Variants in WDFY4 observed in about 807,000 individuals in gnomAD.
The protein encoded by WDFY4 is WD repeat- and FYVE domain-containing protein 4.
WDFY4 carries 169 observed loss-of-function variants against 351.9 expected under a neutral mutation model. The observed-to-expected ratio is 0.48, with a 90% CI of 0.42 to 0.55. The LOEUF is 0.55. Among genes scored for constraint, WDFY4 ranks in the 20% least tolerant of loss-of-function variants. The pLI, the probability that WDFY4 is intolerant of heterozygous loss-of-function variation, is 0.00. For missense variants in WDFY4, 3,803 were observed against 3,935.6 expected (o/e 0.97, Z 0.90); for synonymous variants, 1,622 against 1,574.6 (o/e 1.03, Z -0.71).
At chr10:48,895,310 C>T (rs916924119) in intron 44 of WDFY4, among the ~76,000 whole-genome samples, 7 of 152,212 alleles carry the variant, frequency 4.6e-5, no homozygotes, top group African/African-American at 1.7e-4. Context: ...CCATGGGCTA[C>T]ATTGTAGGCT....
intron 47 of WDFY4, among the ~76,000 whole-genome samples, chr10:48,907,208 C>A (rs1193375837): frequency 6.6e-6 from 1 of 152,104 alleles, no homozygotes; most frequent in Non-Finnish European, 1.5e-5. Context: ...CATACTGAGC[C>A]CAGATTTCAG....
At chr10:48,863,673 CGAAGCACAAATT>C (rs2069426546) in intron 39 of WDFY4, among the ~76,000 whole-genome samples, 2 of 151,260 alleles carry the variant, frequency 1.3e-5, no homozygotes, top group African/African-American at 2.4e-5. Flanking sequence ...TAGTGTCTTT[CGAAGCACAAATT>C]TTTACTTTTG....
chr10:48,939,605 T>C (rs1197657434), intron 47 of WDFY4, among the ~76,000 whole-genome samples: 2 of 152,248 alleles, frequency 1.3e-5, no homozygotes, highest in Admixed American at 1.3e-4. Flanking sequence ...TGATGGATGA[T>C]GCGGTTTATT....
chr10:48,789,299 T>C (rs2066599882), intron 21 of WDFY4, among the ~76,000 whole-genome samples: 1 of 152,256 alleles, frequency 6.6e-6, no homozygotes. Flanking sequence ...AGAGCTCTTT[T>C]GCTTAGCACT....
chr10:48,780,174 C>T (rs894521820), intron 19 of WDFY4, 55 bp downstream of exon 19: 1 of 1,533,978 alleles, frequency 6.5e-7, no homozygotes, highest in Non-Finnish European at 8.8e-7. Flanking sequence ...CCTGCTACTA[C>T]CCTGAAGTGG....
chr10:48,721,016 A>G (rs1411180611), intron 3 of WDFY4, among the ~76,000 whole-genome samples: 1 of 152,198 alleles, frequency 6.6e-6, no homozygotes, highest in East Asian at 1.9e-4. Context: ...CTCATTGGCA[A>G]TCAGGAACCA....
In WDFY4 at chr10:48,777,482, A is replaced by G; in HGVS notation, c.3162A>G (p.Gly1054=). The G allele has an allele frequency of 1.3e-6, 2 of 1,551,702 alleles. No individual in the cohort carries two copies. The highest frequency in any genetic ancestry group is 1.7e-6 in the Non-Finnish European group (2 of 1,146,978). ...MGTSTEYSVS[G]GIGTGATRPF... ...CCAGCACTGAGTACTCTGTCTCTGG[A>G]GGAATTGGGACAGGTAGGTGTTTTT... The change falls in exon 17 of 62, where the codon GGA becomes GGG. Residue 1054 remains glycine, a synonymous_variant. Transcript: ENST00000325239.
intron 60 of WDFY4, among the ~76,000 whole-genome samples, chr10:48,981,142 G>A (rs888756573): frequency 6.6e-5 from 10 of 152,176 alleles, no homozygotes; most frequent in African/African-American, 1.9e-4. Context: ...AATGGATACC[G>A]AGGCACGTCA....
At chr10:48,801,771 A>T (rs2067096810) in intron 24 of WDFY4, among the ~76,000 whole-genome samples, 1 of 152,202 alleles carries the variant, frequency 6.6e-6, no homozygotes, top group East Asian at 1.9e-4. Context: ...GGTTCCAGGG[A>T]TTAAAGAGGG....
At chr10:48,785,144 G>A (rs2066363398) in intron 19 of WDFY4, among the ~76,000 whole-genome samples, 1 of 152,166 alleles carries the variant, frequency 6.6e-6, no homozygotes, top group South Asian at 2.1e-4. Flanking sequence ...ACAGACGTGA[G>A]CCATTGCGCC....
chr10:48,881,859 C>T (rs1443756664), intron 43 of WDFY4, among the ~76,000 whole-genome samples: 1 of 152,200 alleles, frequency 6.6e-6, no homozygotes, highest in Non-Finnish European at 1.5e-5. Flanking sequence ...TGAACCTGTC[C>T]TGGTGCGCCC....
intron 57 of WDFY4, among the ~76,000 whole-genome samples, chr10:48,974,052 T>C (rs984345271): frequency 6.6e-6 from 1 of 152,164 alleles, no homozygotes; most frequent in Non-Finnish European, 1.5e-5. Context: ...CCCTGAGGGC[T>C]TGTGAAAATT....
In WDFY4 at chr10:48,796,347, T is replaced by C. The variant is rs935700907; in HGVS notation, c.4307T>C (p.Ile1436Thr). Residue 1436 changes from isoleucine to threonine, a missense_variant, in exon 24 of 62, where the codon ATT becomes ACT. Coordinates refer to ENST00000325239, the MANE Select transcript of WDFY4 (RefSeq NM_001394531.1). Reference sequence around the variant, plus strand: ...AAGGCCTCTCTCCTGAACCATCGAATTTTTCAGCTGATCCTCTCAGTGGCT... The same window carrying C: ...AAGGCCTCTCTCCTGAACCATCGAACTTTTCAGCTGATCCTCTCAGTGGCT... Reference protein sequence around the residue: ...RKKASLLNHRIFQLILSVAGT... With the variant: ...RKKASLLNHRTFQLILSVAGT... 1.3e-6 allele frequency: 2 copies of C among 1,552,374 alleles called. No individual in the cohort carries two copies. The highest frequency in any genetic ancestry group is 1.4e-5 in the African/African-American group (1 of 73,170).
At chr10:48,941,399 C>T (rs1184763528) in intron 47 of WDFY4, among the ~76,000 whole-genome samples, 2 of 152,238 alleles carry the variant, frequency 1.3e-5, no homozygotes, top group African/African-American at 2.4e-5. Flanking sequence ...TAGGCCATAT[C>T]TCATGGCCTT....
intron 44 of WDFY4, among the ~76,000 whole-genome samples, chr10:48,892,969 C>CA (rs1420883107): frequency 3.9e-5 from 6 of 152,070 alleles, no homozygotes; most frequent in African/African-American, 7.2e-5. Flanking sequence ...AACTGGGTGG[C>CA]AAAAAACAAA....
Position 48,778,596 on chromosome 10 carries a change from T to C in WDFY4, c.3176-15T>C. ...GCAGAACAAAGCCTGAGGGCATGCC[T>C]GTGTTCCCACCCAGGTGCCACCAGA... On this transcript the variant is annotated splice_polypyrimidine_tract_variant and intron_variant, in intron 17 of 61. Coordinates refer to ENST00000325239, the MANE Select transcript of WDFY4 (RefSeq NM_001394531.1). The C allele has an allele frequency of 2.6e-6, 4 of 1,549,436 alleles. No homozygotes were observed. The highest frequency in any genetic ancestry group is 3.5e-6 in the Non-Finnish European group (4 of 1,146,670).
chr10:48,731,290 T>A lies in WDFY4; in HGVS notation c.1310T>A (p.Met437Lys). 7 of 1,551,948 alleles carry A rather than the reference T, an allele frequency of 4.5e-6. No individual in the cohort carries two copies. Among genetic ancestry groups the A allele is most frequent in the Non-Finnish European group, 6.1e-6 (7 of 1,147,026 alleles). The change falls in exon 9 of 62, where the codon ATG (methionine) becomes AAG (lysine). Residue 437 changes from methionine (M) to lysine (K), a missense_variant. Met to Lys is a moderately conservative substitution (Grantham distance 95, BLOSUM62 -1). Transcript: ENST00000325239. ...LQPISQFVEI[M>K]PLKPAPVQEH... is the part of the protein sequence containing the mutation. ...CCCATCTCGCAGTTTGTAGAGATCA[T>A]GCCCCTGAAGCCGGCCCCAGTGCAG...
intron 32 of WDFY4, among the ~76,000 whole-genome samples, chr10:48,817,617 T>A (rs908254186): frequency 6.6e-6 from 1 of 152,266 alleles, no homozygotes; most frequent in African/African-American, 2.4e-5. Flanking sequence ...GATTCAATAA[T>A]TTTTTTGAGC....
chr10:48,692,146 C>T (rs1444823691), intron 1 of WDFY4, among the ~76,000 whole-genome samples: 6 of 152,190 alleles, frequency 3.9e-5, no homozygotes, highest in Admixed American at 6.5e-5. Context: ...TCTCAGCCTT[C>T]GAGTGGTGTG....
Sources: allele counts gnomAD v4.1 joint callset (sites outside exome capture counted in the v4.1 genomes callset), GRCh38; gene constraint gnomAD v4.1.1; transcripts MANE v1.5; gene names NCBI Gene and HGNC (gene_info 2026-07-23, HGNC 2026-07-21).